ILDR2: variants seen among roughly 807,000 people sequenced by gnomAD.
ILDR2 encodes immunoglobulin-like domain-containing receptor 2.
In ILDR2, 25 loss-of-function variants were observed where a neutral mutation model predicts 66.8. That is an observed-to-expected ratio of 0.37 (90% CI 0.27 to 0.52). ILDR2 has a LOEUF of 0.52. ILDR2 is among the 20% of genes least tolerant of loss of function. The pLI is 0.88. For missense variants in ILDR2, 827 were observed against 876.8 expected (o/e 0.94, Z 0.72); for synonymous variants, 367 against 357.2 (o/e 1.03, Z -0.31).
rs756118120 is a variant in ILDR2 at position 166,920,848 on chromosome 1, G to A, written c.1743C>T (p.Asp581=). The A allele has an allele frequency of 1.3e-6, 2 of 1,510,860 alleles. No homozygotes were observed. The highest frequency in any genetic ancestry group is 2.1e-5 in the Admixed American group (1 of 48,080). The allele number at this position is 1,510,860 out of a possible 1,614,324, so 93.6% of individuals were successfully genotyped here. A position where few individuals can be genotyped will look rare whatever the true frequency, so the allele number is the denominator to read the frequency against. Residue 581 remains aspartate (D), a synonymous_variant, in exon 9 of 10, where the codon GAC becomes GAT. Coordinates refer to ENST00000271417, the MANE Select transcript of ILDR2 (RefSeq NM_199351.3). ...PGTYKAGSSQ[D]DQEDASDDAL... is the part of the protein sequence containing the mutation. ...CGTCGTCGGACGCGTCCTCCTGGTC[G>A]TCCTGCGACGAGCCGGCCTTGTAGG...
Position 166,917,966 on chromosome 1 carries a change from C to T in ILDR2, c.*1389G>A, listed in dbSNP as rs1392201028. 1 of 152,152 alleles carries T rather than the reference C, an allele frequency of 6.6e-6. No individual in the cohort carries two copies. The highest frequency in any genetic ancestry group is 6.5e-5 in the Admixed American group (1 of 15,274). 9.4% of individuals were successfully genotyped at this position (152,152 alleles called of 1,614,324 possible). A position where few individuals can be genotyped will look rare whatever the true frequency, so the allele number is the denominator to read the frequency against. ...CCCCATGCACAAGAACTTTTCAAGT[C>T]TCTGCTTGTGTCACATTTGTTGGGC... On this transcript the variant is annotated 3_prime_UTR_variant, in exon 10 of 10. Coordinates refer to ENST00000271417, the MANE Select transcript of ILDR2 (RefSeq NM_199351.3).
intron 7 of ILDR2, 133 bp from the exon 8 acceptor site, chr1:166,922,942 A>T: frequency 1.4e-6 from 1 of 706,974 alleles, no homozygotes; most frequent in Non-Finnish European, 2.5e-6. Context: ...GTGGGTTGTA[A>T]GCCTGAACTA....
chr1:166,919,134 T>C lies in ILDR2; in HGVS notation c.*221A>G, dbSNP rs757282616. On this transcript the variant is annotated 3_prime_UTR_variant, in exon 10 of 10. Coordinates refer to ENST00000271417, the MANE Select transcript of ILDR2 (RefSeq NM_199351.3). ...CTGTATGTAGGAATGTTCTCACACA[T>C]TCTTGCTTTCTTGGTAAGCTTCTCA... is the stretch of plus-strand genomic sequence containing the variant. 24 of 546,380 alleles carry C rather than the reference T, an allele frequency of 4.4e-5. No homozygotes were observed. The highest frequency in any genetic ancestry group is 7.6e-5 in the Non-Finnish European group (23 of 303,902). The allele number at this position is 546,380 out of a possible 1,614,324, so 33.8% of individuals were successfully genotyped here.
At chr1:166,942,529 A>T (rs927145621) in intron 3 of ILDR2, among the ~76,000 whole-genome samples, 1 of 152,216 alleles carries the variant, frequency 6.6e-6, no homozygotes, top group Non-Finnish European at 1.5e-5. Flanking sequence ...CCAGTTCATT[A>T]TTTTTAAAAC....
intron 3 of ILDR2, chr1:166,943,978 T>C: frequency 2.6e-6 from 1 of 377,590 alleles, no homozygotes. Context: ...TCTTGCAGAA[T>C]CCATTACTTT....
rs1392892458 is a variant in ILDR2 at position 166,913,081 on chromosome 1, AT to A, written c.*6273del. ...GTAACCCCACAATATGTATTCCTCT[AT>A]TACTGTACTTACAACAATCAGAGAA... On this transcript the variant is annotated 3_prime_UTR_variant, in exon 10 of 10. Transcript: ENST00000271417. 2 of 152,166 alleles carry A rather than the reference AT, an allele frequency of 1.3e-5. No individual in the cohort carries two copies. The highest frequency in any genetic ancestry group is 2.9e-5 in the Non-Finnish European group (2 of 68,030). 9.4% of individuals were successfully genotyped at this position (152,166 alleles called of 1,614,324 possible). A position where few individuals can be genotyped will look rare whatever the true frequency, so the allele number is the denominator to read the frequency against.
At position 166,919,401 on chromosome 1, in the gene ILDR2, G is replaced by T. The variant is rs534070695; in HGVS notation, c.1885-11C>A. On this transcript the variant is annotated splice_polypyrimidine_tract_variant and intron_variant, in intron 9 of 9. Coordinates refer to ENST00000271417, the MANE Select transcript of ILDR2 (RefSeq NM_199351.3). ...GGTTGGAAAGTCATTCTAGGAAAGA[G>T]CAGAAAGAGCCCAACATTAAGCCAC... 6.2e-7 allele frequency: 1 copy of T among 1,604,174 alleles called. No homozygotes were observed. Among genetic ancestry groups the T allele is most frequent in the South Asian group, 1.1e-5 (1 of 90,308 alleles).
At chr1:166,930,302 T>C (rs1660558742) in intron 6 of ILDR2, among the ~76,000 whole-genome samples, 2 of 152,242 alleles carry the variant, frequency 1.3e-5, no homozygotes, top group Non-Finnish European at 2.9e-5. Context: ...ATGAAGATGA[T>C]AGTTTTGCCT....
chr1:166,898,829 G>A (rs1415844389), intron 2 of ILDR2, among the ~76,000 whole-genome samples: 2 of 151,930 alleles, frequency 1.3e-5, no homozygotes, highest in East Asian at 3.9e-4. Flanking sequence ...GGAGGCCAAA[G>A]TGGTAGATTG....
At chr1:166,946,382 A>T (rs114510022) in intron 3 of ILDR2, among the ~76,000 whole-genome samples, 1,719 of 152,308 alleles carry the variant, frequency 0.011, 36 homozygotes, top group African/African-American at 0.04. Context: ...TTTAAATTAT[A>T]GTCTTAAAGG....
rs368620410 is a variant in ILDR2 at position 166,922,611 on chromosome 1, C to G, written c.1193G>C (p.Arg398Pro). The change falls in exon 8 of 10, where the codon CGA becomes CCA. Residue 398 changes from arginine (R) to proline (P), a missense_variant. By Grantham distance (103) the Arg-to-Pro change is moderately radical. This residue lies in a region of ILDR2 where 437 missense variants were observed against 523.2 expected (regional missense o/e 0.84). Coordinates refer to ENST00000271417, the MANE Select transcript of ILDR2 (RefSeq NM_199351.3). ...PSAMEYNKED[R>P]ESFRHSQPRS... is the part of the protein sequence containing the mutation. ...CCATCACCTGTGCCTGAAGCTCTCT[C>G]GATCCTCTTTGTTATACTCCATGGC... The G allele has an allele frequency of 1.7e-5, 27 of 1,613,822 alleles. No individual in the cohort carries two copies. Among genetic ancestry groups the G allele is most frequent in the Non-Finnish European group, 2.1e-5 (25 of 1,180,014 alleles).
chr1:166,919,423 C>T (rs1305191219), intron 9 of ILDR2, 33 bp from the exon 10 acceptor site: 3 of 1,586,594 alleles, frequency 1.9e-6, no homozygotes, highest in African/African-American at 2.7e-5. Flanking sequence ...CAACATTAAG[C>T]CACATGCTAG....
chr1:166,909,530 A>G lies in ILDR2; in HGVS notation c.*9825T>C, dbSNP rs1659418055. The G allele has an allele frequency of 1.3e-5, 2 of 151,624 alleles. No individual in the cohort carries two copies. Among genetic ancestry groups the G allele is most frequent in the Non-Finnish European group, 2.9e-5 (2 of 67,966 alleles). The allele number at this position is 151,624 out of a possible 1,614,324, so 9.4% of individuals were successfully genotyped here. A position where few individuals can be genotyped will look rare whatever the true frequency, so the allele number is the denominator to read the frequency against. On this transcript the variant is annotated 3_prime_UTR_variant, in exon 10 of 10. Coordinates refer to ENST00000271417, the MANE Select transcript of ILDR2 (RefSeq NM_199351.3). ...ATTTTTTTACTAATACAGCTGCCAA[A>G]GGAATGAAACATAAGAGGCTATCGC...
At chr1:166,922,177 G>A (rs1659987489) in intron 8 of ILDR2, among the ~76,000 whole-genome samples, 1 of 152,132 alleles carries the variant, frequency 6.6e-6, no homozygotes, top group Admixed American at 6.5e-5. Flanking sequence ...CAGCACTTTG[G>A]GAGGCCAAGG....
In ILDR2 at chr1:166,914,380, G is replaced by T. The variant is rs756620802; in HGVS notation, c.*4975C>A. The T allele has an allele frequency of 1.3e-5, 2 of 152,100 alleles. No individual in the cohort carries two copies. The highest frequency in any genetic ancestry group is 2.9e-5 in the Non-Finnish European group (2 of 68,020). 9.4% of individuals were successfully genotyped at this position (152,100 alleles called of 1,614,324 possible). ...CATGAGTATTTAAGGAATTGGAAAG[G>T]ACACCAGACAAGACAGTCAGAAGGC... On this transcript the variant is annotated 3_prime_UTR_variant, in exon 10 of 10. Coordinates refer to ENST00000271417, the MANE Select transcript of ILDR2 (RefSeq NM_199351.3).
At chr1:166,961,890 G>A (rs1662640508) in intron 1 of ILDR2, among the ~76,000 whole-genome samples, 1 of 152,130 alleles carries the variant, frequency 6.6e-6, no homozygotes, top group Non-Finnish European at 1.5e-5. Context: ...GCTCCTCACT[G>A]CACATCACTT....
At chr1:166,951,820 T>C (rs1662001362) in intron 3 of ILDR2, among the ~76,000 whole-genome samples, 1 of 151,962 alleles carries the variant, frequency 6.6e-6, no homozygotes, top group African/African-American at 2.4e-5. Context: ...ATCAGAGGAG[T>C]TTCTTATAAT....
At chr1:166,951,723 A>C (rs1661992360) in intron 3 of ILDR2, among the ~76,000 whole-genome samples, 1 of 152,240 alleles carries the variant, frequency 6.6e-6, no homozygotes, top group African/African-American at 2.4e-5. Flanking sequence ...CTTTTAAATA[A>C]AGCCAGAATC....
Position 166,920,821 on chromosome 1 carries a change from C to G in ILDR2, c.1770G>C (p.Ala590=). 7 of 1,522,296 alleles carry G rather than the reference C, an allele frequency of 4.6e-6. No individual in the cohort carries two copies. The highest frequency in any genetic ancestry group is 4.4e-6 in the Non-Finnish European group (5 of 1,137,950). 94.3% of individuals were successfully genotyped at this position (1,522,296 alleles called of 1,614,324 possible). The change falls in exon 9 of 10, where the codon GCG becomes GCC. Residue 590 remains alanine (A), a synonymous_variant. Transcript: ENST00000271417. ...QDDQEDASDD[A]LPPYSELELT... ...GCTCCAGCTCGCTGTAGGGCGGCAG[C>G]GCGTCGTCGGACGCGTCCTCCTGGT...
Sources: gnomAD v4.1 joint callset for allele counts (sites outside exome capture counted in the v4.1 genomes callset) on GRCh38, gnomAD v4.1.1 for gene constraint, gnomAD v4.1.1 regional missense constraint, MANE v1.5 for transcripts, NCBI Gene and HGNC (gene_info 2026-07-23, HGNC 2026-07-21) for gene names.